KLK6: variants seen among roughly 807,000 people sequenced by gnomAD.
KLK6 encodes kallikrein related peptidase 6.
In KLK6, 16 loss-of-function variants were observed where a neutral mutation model predicts 21.7. The observed-to-expected ratio is 0.74, with a 90% CI of 0.50 to 1.12. The LOEUF (loss-of-function observed/expected upper bound fraction) is 1.12, where lower values mean the gene tolerates loss of function less well. KLK6 is among the 50% of genes most tolerant of loss of function. The pLI is 0.00. For synonymous variants in KLK6, 116 were observed against 120.1 expected (o/e 0.97, Z 0.22); for missense variants, 276 against 304.6 (o/e 0.91, Z 0.70).
chr19:50,961,624 C>G, intron 6 of KLK6, 120 bp downstream of exon 6: 1 of 1,224,946 alleles, frequency 8.2e-7, no homozygotes, highest in Non-Finnish European at 1.1e-6. Context: ...CTCAGCCTGT[C>G]TCTATCTGTC....
At chr19:50,966,387 C>G (rs1255577264) in intron 4 of KLK6, among the ~76,000 whole-genome samples, 1 of 152,192 alleles carries the variant, frequency 6.6e-6, no homozygotes, top group Non-Finnish European at 1.5e-5. Flanking sequence ...CCACTGCGAC[C>G]GCCTGGGTTC....
intron 3 of KLK6, 118 bp from the exon 4 acceptor site, chr19:50,967,443 T>G: frequency 9.9e-7 from 1 of 1,005,548 alleles, no homozygotes; most frequent in Non-Finnish European, 1.4e-6. Context: ...TAATCCCAGC[T>G]GAGGCAGGAG....
At chr19:50,959,364 TG>T in intron 6 of KLK6, 48 bp from the exon 7 acceptor site, 1 of 88,738 alleles carries the variant, frequency 1.1e-5, no homozygotes, top group Non-Finnish European at 1.5e-5. Flanking sequence ...ACCCAGAGAC[TG>T]TGTGTGTGTG....
chr19:50,960,740 G>C (rs551925030), intron 6 of KLK6, among the ~76,000 whole-genome samples: 6 of 151,906 alleles, frequency 3.9e-5, no homozygotes, highest in African/African-American at 1.4e-4. Context: ...CTACAGGTGT[G>C]TCCCACCATG....
In KLK6 at chr19:50,959,212, G is replaced by A. The variant is rs781468749; in HGVS notation, c.687C>T (p.Asn229=). 1.1e-5 allele frequency: 18 copies of A among 1,614,006 alleles called. No individual in the cohort carries two copies. The highest frequency in any genetic ancestry group is 8.0e-5 in the African/African-American group (6 of 74,902). The stretch of plus-strand genomic sequence containing the variant: ...GGATCCAGTTCGTGTATCTGCAGAC[G>A]TTGGTGTAGACTCCTGGCTTCTCCT... ...GSKEKPGVYT[N]VCRYTNWIQK... is the part of the protein sequence containing the mutation. Residue 229 remains asparagine (N), a synonymous_variant, in exon 7 of 7, where the codon AAC becomes AAT. Coordinates refer to ENST00000310157, the MANE Select transcript of KLK6 (RefSeq NM_002774.4).
chr19:50,961,855 A>T lies in KLK6; in HGVS notation c.471T>A (p.Cys157Ter). ...CACGGGACACCAGGTGGATGTATGC[A>T]CACTGGATGGTGTCAGGGAAATCAC... ...ADGDFPDTIQ[C>*]AYIHLVSREE... The change falls in exon 6 of 7, where the codon TGT (cysteine) becomes TGA (stop). Residue 157 changes from cysteine (C) to a stop codon, truncating the protein, a stop_gained. Transcript: ENST00000310157. LOFTEE classifies it high-confidence loss of function. 1 of 1,613,942 alleles carries T rather than the reference A, an allele frequency of 6.2e-7. No homozygotes were observed. The highest frequency in any genetic ancestry group is 1.1e-5 in the South Asian group (1 of 91,074).
intron 5 of KLK6, 56 bp downstream of exon 5, chr19:50,963,246 G>A: frequency 4.4e-6 from 7 of 1,573,526 alleles, no homozygotes; most frequent in Non-Finnish European, 6.0e-6. Flanking sequence ...CCCATCCTTT[G>A]GCACACTTCC....
intron 6 of KLK6, 37 bp downstream of exon 6, chr19:50,961,707 C>T (rs753149521): frequency 1.9e-6 from 3 of 1,605,502 alleles, no homozygotes; most frequent in Non-Finnish European, 2.6e-6. Context: ...TTCGTCCTGT[C>T]CCTGGCTGTG....
At chr19:50,959,841 GGAGGAAGAA>G (rs2090793566) in intron 6 of KLK6, among the ~76,000 whole-genome samples, 1 of 36,978 alleles carries the variant, frequency 2.7e-5, no homozygotes, top group Non-Finnish European at 5.1e-5. Flanking sequence ...AGGAGAAGAA[GGAGGAAGAA>G]GAGGAGGAGG....
intron 4 of KLK6, 57 bp from the exon 5 acceptor site, chr19:50,963,606 C>T: frequency 6.3e-7 from 1 of 1,596,112 alleles, no homozygotes; most frequent in Middle Eastern, 1.7e-4. Flanking sequence ...GTTGAGGCTT[C>T]AGAGAGGGCT....
intron 4 of KLK6, among the ~76,000 whole-genome samples, chr19:50,966,576 G>A (rs576435735): frequency 2.0e-5 from 3 of 152,276 alleles, no homozygotes; most frequent in South Asian, 4.2e-4. Context: ...CGAGGCGGGC[G>A]GATCACCTGA....
chr19:50,967,511 CCACACA>C (rs146062864), intron 3 of KLK6, among the ~76,000 whole-genome samples, 186 bp from the exon 4 acceptor site: 111 of 125,560 alleles, frequency 8.8e-4, no homozygotes, highest in African/African-American at 1.8e-3. Context: ...GACCTCATCT[CCACACA>C]CACACACACA....
chr19:50,958,823 G>A lies in KLK6; in HGVS notation c.*341C>T. 3.2e-6 allele frequency: 1 copy of A among 313,120 alleles called. No homozygotes were observed. Among genetic ancestry groups the A allele is most frequent in the Non-Finnish European group, 6.0e-6 (1 of 166,400 alleles). 19.4% of individuals were successfully genotyped at this position (313,120 alleles called of 1,614,324 possible). On this transcript the variant is annotated 3_prime_UTR_variant, in exon 7 of 7. Coordinates refer to ENST00000310157, the MANE Select transcript of KLK6 (RefSeq NM_002774.4). ...CCCAAGGGGACACCGACAGTAAGCA[G>A]CGGAGCTGGGATTCCAGACACGTGG...
chr19:50,967,079 G>A, intron 4 of KLK6, 90 bp downstream of exon 4: 1 of 1,436,690 alleles, frequency 7.0e-7, no homozygotes, highest in South Asian at 1.2e-5. Context: ...GCTGGGATGG[G>A]GGGGATGCCT....
chr19:50,959,163 G>A lies in KLK6; in HGVS notation c.*1C>T. The stretch of plus-strand genomic sequence containing the variant: ...CGGGAGGTAGATGTCACATGTCAGG[G>A]TCACTTGGCCTGAATGGTTTTTTGG... On this transcript the variant is annotated 3_prime_UTR_variant, in exon 7 of 7. Transcript: ENST00000310157. 6.2e-7 allele frequency: 1 copy of A among 1,614,116 alleles called. No homozygotes were observed. The highest frequency in any genetic ancestry group is 1.1e-5 in the South Asian group (1 of 91,076).
At chr19:50,967,391 G>T in intron 3 of KLK6, 66 bp from the exon 4 acceptor site, 1 of 1,477,310 alleles carries the variant, frequency 6.8e-7, no homozygotes, top group Non-Finnish European at 9.2e-7. Flanking sequence ...CCCTCAACAT[G>T]AACTCCAGTC....
intron 6 of KLK6, among the ~76,000 whole-genome samples, chr19:50,959,593 G>C (rs76845093): frequency 1.4e-5 from 2 of 143,514 alleles, no homozygotes; most frequent in Non-Finnish European, 3.0e-5. Flanking sequence ...GGAACATAGA[G>C]AGCAAGAAAG....
chr19:50,965,372 C>T (rs928683652), intron 4 of KLK6, among the ~76,000 whole-genome samples: 8 of 152,002 alleles, frequency 5.3e-5, no homozygotes, highest in East Asian at 1.9e-4. Flanking sequence ...GCAACCTCCG[C>T]CTCCCACGTT....
At chr19:50,966,222 A>G (rs752278606) in intron 4 of KLK6, among the ~76,000 whole-genome samples, 9 of 152,100 alleles carry the variant, frequency 5.9e-5, no homozygotes, top group Non-Finnish European at 1.3e-4. Context: ...CCTCTCCCAC[A>G]ACTCAGAGAA....
Sources: allele counts gnomAD v4.1 joint callset (sites outside exome capture counted in the v4.1 genomes callset), GRCh38; gene constraint gnomAD v4.1.1; transcripts MANE v1.5; gene names NCBI Gene and HGNC (gene_info 2026-07-23, HGNC 2026-07-21).